Variants in CFAP20DC observed in about 807,000 individuals in gnomAD.
CFAP20DC encodes the protein CFAP20 domain containing.
In CFAP20DC, 84 loss-of-function variants were observed where a neutral mutation model predicts 101.7. That is an observed-to-expected ratio of 0.83 (90% confidence interval 0.69 to 0.99). The LOEUF is 0.99. Among genes scored for constraint, CFAP20DC ranks in the 50% least tolerant of loss-of-function variants. The probability of loss-of-function intolerance (pLI) is 0.00; values close to 1 mark genes in which losing one functional copy is unlikely to be tolerated. For missense variants in CFAP20DC, 1,007 were observed against 970.3 expected (o/e 1.04, Z -0.50); for synonymous variants, 359 against 351.2 (o/e 1.02, Z -0.25).
At chr3:58,878,739 G>A (rs552263367) in intron 7 of CFAP20DC, among the ~76,000 whole-genome samples, 1 of 151,810 alleles carries the variant, frequency 6.6e-6, no homozygotes, top group Admixed American at 6.6e-5. Context: ...GTGCTGGGCG[G>A]GGTGGCTCAC....
intron 15 of CFAP20DC, among the ~76,000 whole-genome samples, chr3:58,798,978 G>A (rs1204184723): frequency 6.6e-6 from 1 of 152,194 alleles, no homozygotes; most frequent in Non-Finnish European, 1.5e-5. Flanking sequence ...TACATGCACT[G>A]GGAAGCTGAA....
intron 15 of CFAP20DC, among the ~76,000 whole-genome samples, chr3:58,769,779 C>T (rs547443182): frequency 2.0e-5 from 3 of 152,286 alleles, no homozygotes; most frequent in South Asian, 2.1e-4. Context: ...GCGGGAAACA[C>T]GATGCATAAA....
At chr3:59,011,162 C>T (rs1208521412) in intron 4 of CFAP20DC, among the ~76,000 whole-genome samples, 1 of 152,162 alleles carries the variant, frequency 6.6e-6, no homozygotes, top group African/African-American at 2.4e-5. Context: ...CTCTGGAAGC[C>T]CAAGGCGGGA....
chr3:58,939,560 G>A (rs1219361350), intron 4 of CFAP20DC, among the ~76,000 whole-genome samples: 2 of 151,824 alleles, frequency 1.3e-5, no homozygotes, highest in African/African-American at 2.4e-5. Flanking sequence ...CCGGGTTCAC[G>A]CCATTCTCCT....
At chr3:58,911,613 A>G (rs2084166796) in intron 6 of CFAP20DC, among the ~76,000 whole-genome samples, 1 of 152,130 alleles carries the variant, frequency 6.6e-6, no homozygotes. Flanking sequence ...TAATATAGTA[A>G]CACTTATAAT....
chr3:59,031,806 T>C (rs1423198580), intron 4 of CFAP20DC, among the ~76,000 whole-genome samples: 1 of 152,170 alleles, frequency 6.6e-6, no homozygotes, highest in Non-Finnish European at 1.5e-5. Flanking sequence ...TTTCTCAAAT[T>C]TATGTCACTC....
intron 16 of CFAP20DC, among the ~76,000 whole-genome samples, chr3:58,744,466 T>C (rs2068058459): frequency 6.6e-6 from 1 of 152,082 alleles, no homozygotes. Flanking sequence ...TAATAAAAAA[T>C]TTAAAAGTGT....
chr3:58,840,804 T>C (rs1168991953), intron 13 of CFAP20DC, among the ~76,000 whole-genome samples: 1 of 152,236 alleles, frequency 6.6e-6, no homozygotes, highest in Non-Finnish European at 1.5e-5. Flanking sequence ...AATTTTACAC[T>C]CAAAACAACC....
rs1318346434 is a variant in CFAP20DC, at chr3:59,015,735, T to C, written c.278+23822A>G. Among the ~76,000 whole-genome samples, 3 of 152,122 alleles carry C rather than the reference T, an allele frequency of 2.0e-5. No individual in the cohort carries two copies. The highest frequency in any genetic ancestry group is 6.6e-5 in the Admixed American group (1 of 15,256). On this transcript the variant is annotated intron_variant, in intron 4 of 16. Transcript: ENST00000482387. This position sits in a 1 kb window ranked among gnomAD's most constrained non-coding sequence, Gnocchi z 5.4. ...GAGGCCTCACAGACATCCAGACTTC[T>C]TTCCATAAGATGGCAAATTTCTAAA...
chr3:58,813,904 T>G (rs1317228316), intron 14 of CFAP20DC, among the ~76,000 whole-genome samples: 2 of 151,904 alleles, frequency 1.3e-5, no homozygotes, highest in Non-Finnish European at 2.9e-5. Flanking sequence ...ACTAGAGAAA[T>G]AAGACTTTCG....
At chr3:58,843,178 G>C (rs1411647685) in intron 13 of CFAP20DC, among the ~76,000 whole-genome samples, 2 of 152,202 alleles carry the variant, frequency 1.3e-5, no homozygotes, top group African/African-American at 4.8e-5. Context: ...ACTTTGATGA[G>C]CTGAGAGAAG....
intron 4 of CFAP20DC, among the ~76,000 whole-genome samples, chr3:59,013,455 T>A (rs1040963970): frequency 5.9e-5 from 9 of 152,296 alleles, no homozygotes; most frequent in Non-Finnish European, 7.4e-5. Flanking sequence ...CAGCATCATA[T>A]AATTGAAAAA....
At chr3:58,988,815 A>G (rs2092835947) in intron 4 of CFAP20DC, among the ~76,000 whole-genome samples, 1 of 152,066 alleles carries the variant, frequency 6.6e-6, no homozygotes, top group African/African-American at 2.4e-5. Context: ...AATATTTCCC[A>G]TTTTAGTCTG....
intron 15 of CFAP20DC, among the ~76,000 whole-genome samples, chr3:58,781,038 TATAAA>T (rs1468674779): frequency 6.6e-6 from 1 of 151,936 alleles, no homozygotes; most frequent in African/African-American, 2.4e-5. Flanking sequence ...TATATTAGAA[TATAAA>T]ATAAGTGTCA....
At chr3:58,733,700 C>G (rs2067691631) in intron 3 of CFAP20DC, among the ~76,000 whole-genome samples, 1 of 152,206 alleles carries the variant, frequency 6.6e-6, no homozygotes, top group Admixed American at 6.5e-5. Context: ...ATTACAAATA[C>G]TAAATAAATA....
intron 16 of CFAP20DC, among the ~76,000 whole-genome samples, chr3:58,751,332 AG>A (rs2068552152): frequency 1.3e-5 from 2 of 152,218 alleles, no homozygotes; most frequent in African/African-American, 4.8e-5. Flanking sequence ...TGATCTACTT[AG>A]GTAAGACTGT....
chr3:58,846,380 A>G (rs2077643328), intron 13 of CFAP20DC, among the ~76,000 whole-genome samples: 1 of 145,902 alleles, frequency 6.9e-6, no homozygotes, highest in Admixed American at 6.7e-5. Flanking sequence ...ACAGACAAAC[A>G]GAGAGCCAAA....
intron 15 of CFAP20DC, among the ~76,000 whole-genome samples, chr3:58,803,968 G>T (rs1414933672): frequency 6.6e-6 from 1 of 152,108 alleles, no homozygotes; most frequent in Non-Finnish European, 1.5e-5. Flanking sequence ...ATTTAAAGTT[G>T]CATATTACCA....
In CFAP20DC at chr3:58,866,396, A is replaced by G. The variant is rs551365896; in HGVS notation, c.1258+170T>C. 1.1e-4 allele frequency: 57 copies of G among 524,234 alleles called. No homozygotes were observed. The South Asian group carries it at 1.6e-3, about 15-fold the overall frequency. 32.5% of individuals were successfully genotyped at this position (524,234 alleles called of 1,614,324 possible). A position where few individuals can be genotyped will look rare whatever the true frequency, so the allele number is the denominator to read the frequency against. On this transcript the variant is annotated intron_variant, in intron 11 of 16. Transcript: ENST00000482387. ...CTTGAAAATAAAAAAATACTCTTTC[A>G]TCCATTAAAGTTTGACATAAAATTG...
Sources: gnomAD v4.1 joint callset for allele counts (sites outside exome capture counted in the v4.1 genomes callset) on GRCh38, gnomAD v4.1.1 for gene constraint, Gnocchi (gnomAD v3.1) non-coding constraint, MANE v1.5 for transcripts, NCBI Gene and HGNC (gene_info 2026-07-23, HGNC 2026-07-21) for gene names.